ATP6V1A: variants seen among roughly 807,000 people sequenced by gnomAD.
ATP6V1A encodes ATPase H+ transporting V1 subunit A, also known as V-type proton ATPase catalytic subunit A.
A neutral mutation model predicts 70.1 loss-of-function variants in ATP6V1A; 18 were observed. The observed-to-expected ratio is 0.26, with a 90% confidence interval of 0.18 to 0.38. ATP6V1A has a LOEUF of 0.38. ATP6V1A is among the 10% of genes least tolerant of loss of function. The pLI, the probability that ATP6V1A is intolerant of heterozygous loss-of-function variation, is 1.00. For missense variants in ATP6V1A, 424 were observed against 772.4 expected (o/e 0.55, Z 5.35); for synonymous variants, 232 against 253.8 (o/e 0.91, Z 0.82).
intron 12 of ATP6V1A, among the ~76,000 whole-genome samples, chr3:113,800,250 C>T (rs1020544209): frequency 2.0e-5 from 3 of 148,432 alleles, no homozygotes; most frequent in South Asian, 2.1e-4. Context: ...AAAAAAAAGA[C>T]GCAATTTCTC....
At chr3:113,754,389 TG>T (rs1708624186) in intron 1 of ATP6V1A, among the ~76,000 whole-genome samples, 1 of 151,978 alleles carries the variant, frequency 6.6e-6, no homozygotes, top group Non-Finnish European at 1.5e-5. Flanking sequence ...AAAAATTATT[TG>T]GGCACGATGG....
intron 1 of ATP6V1A, among the ~76,000 whole-genome samples, chr3:113,761,842 C>T (rs1482165733): frequency 7.5e-6 from 1 of 133,390 alleles, no homozygotes; most frequent in African/African-American, 2.8e-5. Context: ...TGCATGATTG[C>T]CTGAATTTTG....
intron 5 of ATP6V1A, 94 bp from the exon 6 acceptor site, chr3:113,786,138 C>A: frequency 8.5e-7 from 1 of 1,171,594 alleles, no homozygotes; most frequent in Non-Finnish European, 1.2e-6. Context: ...CATGTATCAC[C>A]TTCCTAACCC....
chr3:113,773,913 T>C (rs931819396), intron 1 of ATP6V1A, among the ~76,000 whole-genome samples: 4 of 152,230 alleles, frequency 2.6e-5, no homozygotes, highest in African/African-American at 9.6e-5. Flanking sequence ...TTCATTCCAC[T>C]ATGCCAGAAG....
At chr3:113,803,744 A>G (rs1709246141) in intron 13 of ATP6V1A, 67 bp downstream of exon 13, 2 of 1,258,522 alleles carry the variant, frequency 1.6e-6, no homozygotes, top group Non-Finnish European at 2.3e-6. Flanking sequence ...AGGAGTACAC[A>G]TTAAAAACCC....
chr3:113,794,842 T>A, intron 8 of ATP6V1A, 30 bp from the exon 9 acceptor site: 1 of 1,586,492 alleles, frequency 6.3e-7, no homozygotes. Context: ...GCTAGCATTG[T>A]AACTTATAAT....
rs144140720 is a variant in ATP6V1A, at chr3:113,772,302, C to A, written c.-13-6439C>A. Among the ~76,000 whole-genome samples, 296 of 152,218 alleles carry A rather than the reference C, an allele frequency of 1.9e-3. 1 individual carries two copies. Among genetic ancestry groups the A allele is most frequent in the Non-Finnish European group, 3.3e-3 (224 of 68,026 alleles). Reference sequence around the variant, plus strand: ...TAATCACTATGGGAGTGCTTTTGGACTGGGGATATTTGAGCAGAGACATGA... The same window carrying A: ...TAATCACTATGGGAGTGCTTTTGGAATGGGGATATTTGAGCAGAGACATGA... On this transcript the variant is annotated intron_variant, in intron 1 of 14. Transcript: ENST00000273398.
chr3:113,796,003 C>G (rs1681130369), intron 11 of ATP6V1A, 64 bp downstream of exon 11: 4 of 1,267,772 alleles, frequency 3.2e-6, no homozygotes, highest in Non-Finnish European at 3.3e-6. Flanking sequence ...CCCTGCTGTT[C>G]TAATGCGATC....
intron 14 of ATP6V1A, among the ~76,000 whole-genome samples, chr3:113,808,580 C>T (rs773001127): frequency 1.6e-4 from 24 of 152,042 alleles, no homozygotes; most frequent in Non-Finnish European, 2.9e-4. Flanking sequence ...GCGTGAGCCA[C>T]CAAGCCTAGC....
intron 12 of ATP6V1A, among the ~76,000 whole-genome samples, chr3:113,799,453 C>T (rs926992562): frequency 6.6e-6 from 1 of 152,064 alleles, no homozygotes; most frequent in Non-Finnish European, 1.5e-5. Flanking sequence ...ATACTAAGAC[C>T]TAGGGAAACC....
chr3:113,782,585 C>CATGTGTATATATATATGTATATATAT (rs1485954777), intron 3 of ATP6V1A, among the ~76,000 whole-genome samples: 22 of 141,336 alleles, frequency 1.6e-4, no homozygotes, highest in African/African-American at 4.2e-4. Flanking sequence ...TATATATATA[C>CATGTGTATATATATATGTATATATAT]ACATATATAT....
At chr3:113,802,278 G>A (rs1369313418) in intron 12 of ATP6V1A, among the ~76,000 whole-genome samples, 3 of 152,088 alleles carry the variant, frequency 2.0e-5, no homozygotes, top group East Asian at 3.8e-4. Flanking sequence ...AATTAAGATA[G>A]CAAGCCAAGA....
At chr3:113,809,142 C>T (rs1709312367) in intron 14 of ATP6V1A, among the ~76,000 whole-genome samples, 193 bp from the exon 15 acceptor site, 1 of 151,702 alleles carries the variant, frequency 6.6e-6, no homozygotes, top group African/African-American at 2.4e-5. Flanking sequence ...GTAATCCCAA[C>T]TACTTGGGAG....
At chr3:113,772,187 A>G (rs1296174210) in intron 1 of ATP6V1A, among the ~76,000 whole-genome samples, 7 of 152,218 alleles carry the variant, frequency 4.6e-5, no homozygotes, top group African/African-American at 1.7e-4. Context: ...CAGCAGGTGC[A>G]CACTGCCCTG....
intron 8 of ATP6V1A, among the ~76,000 whole-genome samples, chr3:113,791,560 G>A (rs1035356480): frequency 9.9e-5 from 15 of 152,102 alleles, no homozygotes; most frequent in African/African-American, 3.6e-4. Flanking sequence ...GGAGATGAGA[G>A]GGCTGGCTGT....
chr3:113,753,248 A>C (rs1708608763), intron 1 of ATP6V1A, among the ~76,000 whole-genome samples: 1 of 152,228 alleles, frequency 6.6e-6, no homozygotes, highest in Non-Finnish European at 1.5e-5. Context: ...ACTAACAATG[A>C]AATATTATTT....
rs755525619 is a variant in ATP6V1A at position 113,781,225 on chromosome 3, T to C, written c.211+47T>C. 9.0e-6 allele frequency: 14 copies of C among 1,562,244 alleles called. No homozygotes were observed. The Admixed American group carries it at 1.8e-4, about 21-fold the overall frequency. On this transcript the variant is annotated intron_variant, in intron 3 of 14. Transcript: ENST00000273398. ...CCTGCCACTTTCTATATTTCAAAAT[T>C]TAAGGATTTAGGCCAGGCATAGTGC... is the stretch of plus-strand genomic sequence containing the variant.
intron 1 of ATP6V1A, among the ~76,000 whole-genome samples, chr3:113,768,667 C>T (rs1708801570): frequency 6.8e-6 from 1 of 148,068 alleles, no homozygotes; most frequent in Admixed American, 7.0e-5. Flanking sequence ...GCAATCTCGG[C>T]TCAGTGCAAC....
intron 12 of ATP6V1A, 137 bp downstream of exon 12, chr3:113,798,583 A>G: frequency 4.2e-6 from 3 of 714,446 alleles, no homozygotes; most frequent in East Asian, 3.5e-5. Context: ...GAAATTTTCT[A>G]TTCATTATAG....
Sources: gnomAD v4.1 joint callset for allele counts (sites outside exome capture counted in the v4.1 genomes callset) on GRCh38, gnomAD v4.1.1 for gene constraint, MANE v1.5 for transcripts, NCBI Gene and HGNC (gene_info 2026-07-23, HGNC 2026-07-21) for gene names.